Variants in PHKA1 observed in about 807,000 individuals in gnomAD.
The protein encoded by PHKA1 is phosphorylase b kinase regulatory subunit alpha, skeletal muscle isoform.
A neutral mutation model predicts 110.2 loss-of-function variants in PHKA1; 60 were observed. That is an observed-to-expected ratio of 0.54 (90% CI 0.44 to 0.68). The LOEUF is 0.68. PHKA1 is among the 30% of genes least tolerant of loss of function. PHKA1 has a pLI of 0.00. For missense variants in PHKA1, 801 were observed against 942.5 expected (o/e 0.85, Z 1.97); for synonymous variants, 316 against 333.6 (o/e 0.95, Z 0.58).
In PHKA1 at chrX:72,582,452, G is replaced by T. The variant is rs782086147; in HGVS notation, c.3444C>A (p.Ile1148=). ...TATGCACTATTTTTTCCACAGCAATGATGCTTCCGATGCTATGAATTTCAA... is the reference window on the plus strand; with the variant it reads ...TATGCACTATTTTTTCCACAGCAATTATGCTTCCGATGCTATGAATTTCAA... ...ADIEIHSIGS[I]IAVEKIVHIA... Residue 1148 remains isoleucine, a synonymous_variant, in exon 31 of 32, where the codon ATC becomes ATA. Transcript: ENST00000373542. The T allele has an allele frequency of 8.3e-6, 10 of 1,206,291 alleles. No individual in the cohort carries two copies. The Admixed American group carries it at 2.2e-4, about 26-fold the overall frequency.
Position 72,618,740 on chromosome X carries a change from G to A in PHKA1, c.2339C>T (p.Ala780Val), listed in dbSNP as rs782403774. The A allele has an allele frequency of 8.0e-5, 96 of 1,196,545 alleles. No individual in the cohort carries two copies. Among genetic ancestry groups the A allele is most frequent in the South Asian group, 5.1e-4 (29 of 56,494 alleles). The change falls in exon 21 of 32, where the codon GCT (alanine) becomes GTT (valine). Residue 780 changes from alanine (A) to valine (V), a missense_variant. Physicochemically the swap from Ala to Val is moderately conservative, Grantham distance 64. Around this residue, in one of 2 missense-constraint regions of PHKA1, gnomAD observed 502 missense variants for 519.2 expected, o/e 0.97. Transcript: ENST00000373542. ...LKETSSLQEQ[A>V]DILYMLYTMK... is the part of the protein sequence containing the mutation. ...AGTATACAGCATATAGAGGATATCAGCTTGTTCCTGTAAGCTTGAGGTCTC... is the reference window on the plus strand; with the variant it reads ...AGTATACAGCATATAGAGGATATCAACTTGTTCCTGTAAGCTTGAGGTCTC...
chrX:72,669,536 C>T (rs1556307922), intron 6 of PHKA1, among the ~76,000 whole-genome samples: 1 of 70,519 alleles, frequency 1.4e-5, no homozygotes, highest in Non-Finnish European at 2.6e-5. Context: ...CCCCCTCCCC[C>T]CACCCCACAA....
intron 4 of PHKA1, among the ~76,000 whole-genome samples, chrX:72,685,120 C>T (rs1241162034): frequency 2.7e-5 from 3 of 111,533 alleles, no homozygotes; most frequent in Admixed American, 9.5e-5. Flanking sequence ...GAGGTAAGCA[C>T]CTCTATTTTC....
intron 29 of PHKA1, among the ~76,000 whole-genome samples, chrX:72,589,586 G>C (rs2052485767): frequency 9.0e-6 from 1 of 111,164 alleles, no homozygotes; most frequent in Non-Finnish European, 1.9e-5. Flanking sequence ...AGGGCAATCA[G>C]ACAAGAGGAA....
At chrX:72,696,925 T>C (rs2054126555) in intron 3 of PHKA1, among the ~76,000 whole-genome samples, 1 of 111,509 alleles carries the variant, frequency 9.0e-6, no homozygotes, top group South Asian at 3.8e-4. Context: ...GACAATTTGC[T>C]GAGGCCTGAG....
chrX:72,628,285 G>C (rs782764901), intron 16 of PHKA1, among the ~76,000 whole-genome samples: 1 of 110,393 alleles, frequency 9.1e-6, no homozygotes, highest in South Asian at 3.8e-4. Flanking sequence ...TGAATTGCCT[G>C]ATCATGTCCT....
chrX:72,624,322 T>C (rs1556281296), intron 17 of PHKA1, among the ~76,000 whole-genome samples: 1 of 111,674 alleles, frequency 9.0e-6, no homozygotes, highest in African/African-American at 3.3e-5. Context: ...GTTCTACACC[T>C]CCCTCAGTTC....
intron 10 of PHKA1, among the ~76,000 whole-genome samples, chrX:72,653,869 G>T (rs1395995651): frequency 9.0e-6 from 1 of 110,978 alleles, no homozygotes; most frequent in Non-Finnish European, 1.9e-5. Context: ...GCTTCCAAAG[G>T]CCTGTCTTGT....
At chrX:72,681,538 G>A (rs1470739063) in intron 5 of PHKA1, among the ~76,000 whole-genome samples, 2 of 92,841 alleles carry the variant, frequency 2.2e-5, no homozygotes, top group Admixed American at 2.3e-4. Context: ...CATCCGGGAG[G>A]GAGGTGGGGG....
intron 4 of PHKA1, among the ~76,000 whole-genome samples, chrX:72,695,228 T>C (rs1337112233): frequency 9.0e-6 from 1 of 111,636 alleles, no homozygotes; most frequent in East Asian, 2.8e-4. Context: ...CTAGGTATAA[T>C]CGGATACATT....
chrX:72,705,444 T>C (rs981972943), intron 2 of PHKA1, among the ~76,000 whole-genome samples, 199 bp from the exon 3 acceptor site: 4 of 112,073 alleles, frequency 3.6e-5, no homozygotes, highest in African/African-American at 1.3e-4. Flanking sequence ...ACTTTATGAT[T>C]CCTTCAAGTC....
intron 10 of PHKA1, 76 bp downstream of exon 10, chrX:72,656,044 C>T: frequency 9.0e-7 from 1 of 1,110,853 alleles, no homozygotes; most frequent in African/African-American, 1.8e-5. Flanking sequence ...CAACTGGACA[C>T]AGGGTTGGTA....
At chrX:72,647,163 G>A (rs1206391200) in intron 13 of PHKA1, among the ~76,000 whole-genome samples, 1 of 110,627 alleles carries the variant, frequency 9.0e-6, no homozygotes, top group East Asian at 2.8e-4. Flanking sequence ...AGTAATGCAA[G>A]GAAGAGATGT....
chrX:72,672,366 G>A (rs1280898369), intron 6 of PHKA1, among the ~76,000 whole-genome samples: 6 of 111,562 alleles, frequency 5.4e-5, no homozygotes, highest in South Asian at 3.8e-4. Context: ...CCTGGCTCCC[G>A]TTCATCATGC....
At position 72,580,997 on chromosome X, in the gene PHKA1, A is replaced by C; in HGVS notation, c.*5T>G. 8.3e-7 allele frequency: 1 copy of C among 1,209,786 alleles called. No individual in the cohort carries two copies. Among genetic ancestry groups the C allele is most frequent in the Non-Finnish European group, 1.1e-6 (1 of 893,927 alleles). Reference sequence around the variant, plus strand: ...AAGGCTCCCAGAAGCCAGGAACCAAAGCCCTCATTGCATGGCACAGATGCT... The same window carrying C: ...AAGGCTCCCAGAAGCCAGGAACCAACGCCCTCATTGCATGGCACAGATGCT... On this transcript the variant is annotated 3_prime_UTR_variant, in exon 32 of 32. Transcript: ENST00000373542.
In PHKA1 at chrX:72,618,853, T is replaced by A. The variant is rs2052935529; in HGVS notation, c.2230-4A>T. 8.3e-7 allele frequency: 1 copy of A among 1,198,434 alleles called. No homozygotes were observed. The highest frequency in any genetic ancestry group is 1.8e-5 in the South Asian group (1 of 56,519). ...TTTCTACACGAACAGAGGGAACCTTTAGTTTGAGAAATGATGACAAGAAAT... is the reference window on the plus strand; with the variant it reads ...TTTCTACACGAACAGAGGGAACCTTAAGTTTGAGAAATGATGACAAGAAAT... On this transcript the variant is annotated splice_polypyrimidine_tract_variant and splice_region_variant and intron_variant, in intron 20 of 31. Coordinates refer to ENST00000373542, the MANE Select transcript of PHKA1 (RefSeq NM_002637.4).
At position 72,667,396 on chromosome X, in the gene PHKA1, AG is replaced by A. The variant is rs1603266754; in HGVS notation, c.695del (p.Ala232ValfsTer11). The A allele has an allele frequency of 2.5e-6, 3 of 1,206,846 alleles. No homozygotes were observed. The highest frequency in any genetic ancestry group is 3.4e-6 in the Non-Finnish European group (3 of 891,013). On this transcript the variant is annotated frameshift_variant, in exon 7 of 32. Coordinates refer to ENST00000373542, the MANE Select transcript of PHKA1 (RefSeq NM_002637.4). LOFTEE classifies it high-confidence loss of function. ...TTACCTGGCAGTGCTGTACTTCATC[AG>A]CCAGGACATGGATAACTGATTGAGG... The part of the protein sequence containing the change: ...GGPQSVIHVL[A>X]DEVQHCQSIL...
chrX:72,689,060 A>G (rs1259231196), intron 4 of PHKA1: 2 of 111,746 alleles, frequency 1.8e-5, no homozygotes, highest in Non-Finnish European at 3.8e-5. Flanking sequence ...TATATAAAGA[A>G]TACTAAGGCA....
At chrX:72,703,785 A>G (rs2054239391) in intron 3 of PHKA1, among the ~76,000 whole-genome samples, 1 of 112,224 alleles carries the variant, frequency 8.9e-6, no homozygotes, top group African/African-American at 3.2e-5. Flanking sequence ...TATCTACTAT[A>G]TATTTCCTTC....
Sources: gnomAD v4.1 joint callset for allele counts (sites outside exome capture counted in the v4.1 genomes callset) on GRCh38, gnomAD v4.1.1 for gene constraint, gnomAD v4.1.1 regional missense constraint, MANE v1.5 for transcripts, NCBI Gene and HGNC (gene_info 2026-07-23, HGNC 2026-07-21) for gene names.